Variants in RANBP2 observed in about 807,000 individuals in gnomAD.
RANBP2 encodes the protein E3 SUMO-protein ligase RanBP2.
In RANBP2, 57 loss-of-function variants were observed where a neutral mutation model predicts 303.6. The ratio of observed to expected loss-of-function variants is 0.19; its 90% CI spans 0.15 to 0.23. RANBP2 has a LOEUF of 0.23. Ranked by LOEUF, RANBP2 falls within the 10% of genes least tolerant of loss-of-function variation. The probability of loss-of-function intolerance (pLI) is 1.00; values close to 1 mark genes in which losing one functional copy is unlikely to be tolerated. For missense variants in RANBP2, 3,138 were observed against 3,780.8 expected, an observed-to-expected ratio of 0.83 and a Z score of 4.46; for synonymous variants, 1,167 against 1,301.5, an observed-to-expected ratio of 0.90 and a Z score of 2.23.
the RANBP2 span, among the ~76,000 whole-genome samples, chr2:109,611,229 C>G: frequency 1.3e-5 from 2 of 152,098 alleles, no homozygotes; most frequent in African/African-American, 4.8e-5. Flanking sequence ...AACTATAAAA[C>G]TTTTAGGAAA....
chr2:109,136,304 A>G, the RANBP2 span, among the ~76,000 whole-genome samples: 2 of 152,082 alleles, frequency 1.3e-5, no homozygotes, highest in Non-Finnish European at 1.5e-5. Flanking sequence ...GCCAAGGTCA[A>G]TTTTTATCAG....
chr2:109,392,573 A>G, the RANBP2 span, among the ~76,000 whole-genome samples: 1 of 151,554 alleles, frequency 6.6e-6, no homozygotes, highest in Non-Finnish European at 1.5e-5. Flanking sequence ...CAGTGGCGTG[A>G]TCTTGGCTCA....
At chr2:109,397,606 C>T in the RANBP2 span, among the ~76,000 whole-genome samples, 1 of 152,280 alleles carries the variant, frequency 6.6e-6, no homozygotes, top group Middle Eastern at 3.4e-3. Flanking sequence ...CACTGTCACT[C>T]ACAGATGGTG....
At chr2:109,142,927 C>T in the RANBP2 span, among the ~76,000 whole-genome samples, 4 of 152,144 alleles carry the variant, frequency 2.6e-5, no homozygotes, top group Non-Finnish European at 1.5e-5. Context: ...AATTGTCGTG[C>T]TGACAGATAC....
the RANBP2 span, chr2:109,613,690 C>A: frequency 1.4e-6 from 1 of 735,120 alleles, no homozygotes; most frequent in Non-Finnish European, 1.8e-6. Context: ...CCGGAGGGGG[C>A]GCGGGTCACA....
chr2:109,134,281 G>C, the RANBP2 span, among the ~76,000 whole-genome samples: 8 of 152,260 alleles, frequency 5.3e-5, no homozygotes, highest in Admixed American at 5.2e-4. Flanking sequence ...TGGCTGGATG[G>C]TTGGGATGTT....
At chr2:109,271,695 G>A in the RANBP2 span, among the ~76,000 whole-genome samples, 4 of 152,214 alleles carry the variant, frequency 2.6e-5, no homozygotes, top group South Asian at 2.1e-4. Flanking sequence ...CATTTAGGAC[G>A]AAGGGCCCCC....
intron 25 of RANBP2, among the ~76,000 whole-genome samples, chr2:108,780,452 C>T (rs568014339): frequency 8.7e-5 from 13 of 150,288 alleles, no homozygotes; most frequent in Non-Finnish European, 3.0e-5. Flanking sequence ...GCAACCTCTG[C>T]CTCTCAAGTT....
chr2:108,871,761 G>A, the RANBP2 span, among the ~76,000 whole-genome samples: 7 of 152,026 alleles, frequency 4.6e-5, no homozygotes, highest in African/African-American at 1.7e-4. Flanking sequence ...CTAATGTATT[G>A]CACTTTTCAT....
At chr2:109,318,792 G>A in the RANBP2 span, among the ~76,000 whole-genome samples, 2 of 152,174 alleles carry the variant, frequency 1.3e-5, no homozygotes, top group African/African-American at 4.8e-5. Flanking sequence ...CAGCCCTGAC[G>A]AGCTCTGGCC....
the RANBP2 span, among the ~76,000 whole-genome samples, chr2:109,171,706 T>G: frequency 6.6e-6 from 1 of 152,254 alleles, no homozygotes; most frequent in Non-Finnish European, 1.5e-5. Flanking sequence ...GCTAATGCCT[T>G]CCAGAGGCCC....
At chr2:109,707,503 A>T in the RANBP2 span, among the ~76,000 whole-genome samples, 1 of 152,204 alleles carries the variant, frequency 6.6e-6, no homozygotes, top group Non-Finnish European at 1.5e-5. Flanking sequence ...ACGTTGCCAA[A>T]TGGATTATAA....
the RANBP2 span, among the ~76,000 whole-genome samples, chr2:109,365,609 G>A: frequency 6.6e-6 from 1 of 152,154 alleles, no homozygotes; most frequent in Non-Finnish European, 1.5e-5. Context: ...TGAATGGTGT[G>A]TGTGCTAATA....
chr2:109,266,524 TC>T, the RANBP2 span, among the ~76,000 whole-genome samples: 1 of 152,104 alleles, frequency 6.6e-6, no homozygotes, highest in Non-Finnish European at 1.5e-5. Flanking sequence ...CTCATTGTTC[TC>T]CTCAATACAG....
At chr2:108,995,374 A>G in the RANBP2 span, among the ~76,000 whole-genome samples, 1 of 152,234 alleles carries the variant, frequency 6.6e-6, no homozygotes, top group East Asian at 1.9e-4. Context: ...TCTGTAAGGC[A>G]GAGGAACGAT....
At chr2:108,975,137 G>T in the RANBP2 span, among the ~76,000 whole-genome samples, 4 of 152,196 alleles carry the variant, frequency 2.6e-5, no homozygotes, top group African/African-American at 4.8e-5. Context: ...AGGGTGCTGG[G>T]CAGGGTCCAA....
chr2:108,776,085 C>T (rs2149312540), intron 24 of RANBP2, 149 bp downstream of exon 24: 1 of 653,836 alleles, frequency 1.5e-6, no homozygotes, highest in East Asian at 2.7e-5. Context: ...GTAATAATAA[C>T]CAGAAAAATT....
the RANBP2 span, among the ~76,000 whole-genome samples, chr2:109,204,842 G>C: frequency 6.6e-6 from 1 of 152,156 alleles, no homozygotes; most frequent in Non-Finnish European, 1.5e-5. Flanking sequence ...ATTTTCTGTA[G>C]CGTGGAAGTG....
the RANBP2 span, among the ~76,000 whole-genome samples, chr2:108,966,214 A>G: frequency 1.1e-4 from 17 of 152,214 alleles, 1 homozygote; most frequent in Non-Finnish European, 2.1e-4. Flanking sequence ...TCAAGAATGC[A>G]AAGACCTGTC....
Sources: gnomAD v4.1 joint callset for allele counts (sites outside exome capture counted in the v4.1 genomes callset) on GRCh38, gnomAD v4.1.1 for gene constraint, MANE v1.5 for transcripts, NCBI Gene and HGNC (gene_info 2026-07-23, HGNC 2026-07-21) for gene names.